CMSS1: variants seen among roughly 807,000 people sequenced by gnomAD.
CMSS1 encodes the protein protein CMSS1.
CMSS1 carries 33 observed loss-of-function variants against 43.5 expected under a neutral mutation model. The observed-to-expected ratio is 0.76, with a 90% CI of 0.57 to 1.01. The LOEUF (loss-of-function observed/expected upper bound fraction) is 1.01, where lower values mean the gene tolerates loss of function less well. CMSS1 is among the 50% of genes least tolerant of loss of function. The pLI, the probability that CMSS1 is intolerant of heterozygous loss-of-function variation, is 0.00. For missense variants in CMSS1, 313 were observed against 326.4 expected, an observed-to-expected ratio of 0.96 and a Z score of 0.32; for synonymous variants, 115 against 117.2, an observed-to-expected ratio of 0.98 and a Z score of 0.12.
chr3:100,146,894 T>G, intron 1 of CMSS1, 79 bp from the exon 2 acceptor site: 1 of 1,523,772 alleles, frequency 6.6e-7, no homozygotes, highest in East Asian at 2.4e-5. Context: ...AGATAGAACC[T>G]TCTAGAAAGA....
chr3:100,092,381 A>G (rs1317794912), intron 1 of CMSS1, among the ~76,000 whole-genome samples: 1 of 152,150 alleles, frequency 6.6e-6, no homozygotes, highest in African/African-American at 2.4e-5. Flanking sequence ...ATGGTATACA[A>G]GATAATGAAC....
intron 1 of CMSS1, chr3:99,929,781 A>C (rs1479828493): frequency 1.0e-5 from 11 of 1,050,526 alleles, no homozygotes; most frequent in Non-Finnish European, 1.5e-5. Flanking sequence ...ATCAAAGAGG[A>C]GTTACAGATC....
chr3:99,844,160 T>C (rs1196662267), intron 1 of CMSS1, among the ~76,000 whole-genome samples: 6 of 152,148 alleles, frequency 3.9e-5, no homozygotes, highest in Admixed American at 2.0e-4. Context: ...TTACAGCATA[T>C]TGCTAGCCCA....
At chr3:99,949,135 T>C (rs1349020286) in intron 1 of CMSS1, among the ~76,000 whole-genome samples, 1 of 152,166 alleles carries the variant, frequency 6.6e-6, no homozygotes, top group African/African-American at 2.4e-5. Context: ...CAGGATAAAG[T>C]TCCCAAAAAT....
chr3:100,154,034 G>T (rs1427552412), intron 2 of CMSS1, among the ~76,000 whole-genome samples: 1 of 151,890 alleles, frequency 6.6e-6, no homozygotes, highest in Non-Finnish European at 1.5e-5. Flanking sequence ...TATTTTTGTA[G>T]AGACGGGGTT....
intron 1 of CMSS1, among the ~76,000 whole-genome samples, chr3:100,135,437 C>CGTGT (rs1559767923): frequency 1.7e-5 from 1 of 60,188 alleles, no homozygotes; most frequent in African/African-American, 6.2e-5. Flanking sequence ...TGTGTGTGTG[C>CGTGT]ATGTGTGTGT....
intron 1 of CMSS1, among the ~76,000 whole-genome samples, chr3:100,096,466 G>A (rs1474106917): frequency 6.6e-6 from 1 of 152,180 alleles, no homozygotes; most frequent in Non-Finnish European, 1.5e-5. Flanking sequence ...ACAACAACAT[G>A]GATGGAACTG....
At chr3:99,957,164 A>G (rs940621318) in intron 1 of CMSS1, among the ~76,000 whole-genome samples, 1 of 152,250 alleles carries the variant, frequency 6.6e-6, no homozygotes, top group African/African-American at 2.4e-5. Context: ...TGTATGAAGT[A>G]GAGGAGTGAC....
At chr3:100,007,350 A>T (rs1245127920) in intron 1 of CMSS1, among the ~76,000 whole-genome samples, 1 of 152,152 alleles carries the variant, frequency 6.6e-6, no homozygotes, top group Non-Finnish European at 1.5e-5. Flanking sequence ...GAGAGCTTTG[A>T]TGATGTGTCT....
At position 99,834,228 on chromosome 3, in the gene CMSS1, G is replaced by A. The variant is rs182165489; in HGVS notation, c.64+16185G>A. Among the ~76,000 whole-genome samples the A allele has an allele frequency of 1.8e-4, 28 of 152,272 alleles. 1 individual carries two copies. In the East Asian group the frequency reaches 4.8e-3, roughly 26 times the overall value. On this transcript the variant is annotated intron_variant, in intron 1 of 9. Transcript: ENST00000421999. ...TTTATACAGGAAAGGGTCTTTCAAA[G>A]GAAAGCTGTTTGATTTTATTAGCTC...
At chr3:100,051,090 T>C (rs1207845039) in intron 1 of CMSS1, 1 of 152,190 alleles carries the variant, frequency 6.6e-6, no homozygotes, top group Non-Finnish European at 1.5e-5. Context: ...TTTTAAACCA[T>C]CATTTGAATA....
At chr3:100,101,768 C>T (rs746658698) in intron 1 of CMSS1, among the ~76,000 whole-genome samples, 2 of 152,012 alleles carry the variant, frequency 1.3e-5, no homozygotes, top group Non-Finnish European at 2.9e-5. Context: ...TATCCCTCCC[C>T]GCTCCCCTCA....
chr3:99,819,623 A>C (rs949875681), intron 1 of CMSS1, among the ~76,000 whole-genome samples: 1 of 152,212 alleles, frequency 6.6e-6, no homozygotes, highest in African/African-American at 2.4e-5. Context: ...AGTTTAGTCA[A>C]GTGTGATTGA....
intron 1 of CMSS1, among the ~76,000 whole-genome samples, chr3:99,897,510 A>C (rs1300312295): frequency 6.6e-6 from 1 of 152,160 alleles, no homozygotes; most frequent in Non-Finnish European, 1.5e-5. Context: ...CAAATTTTGA[A>C]TTTTCTTTAC....
intron 1 of CMSS1, among the ~76,000 whole-genome samples, chr3:100,057,528 G>A (rs185540377): frequency 9.2e-5 from 14 of 152,260 alleles, no homozygotes; most frequent in East Asian, 5.8e-4. Flanking sequence ...TGTGTTCTGC[G>A]TCTTATTAAA....
chr3:99,917,644 T>C lies in CMSS1; in HGVS notation c.64+99601T>C, dbSNP rs7626214. Among the ~76,000 whole-genome samples, 687 of 152,340 alleles carry C rather than the reference T, an allele frequency of 4.5e-3. 7 individuals are homozygous for C. The highest frequency in any genetic ancestry group is 0.016 in the African/African-American group (673 of 41,582). On this transcript the variant is annotated intron_variant, in intron 1 of 9. Transcript: ENST00000421999. ...TAATTTTTTATAGTTATCTGGTAGA[T>C]TGATTCATGGTGGTTGTATTAACAG...
chr3:100,024,103 A>G (rs2064875988), intron 1 of CMSS1, among the ~76,000 whole-genome samples: 1 of 151,472 alleles, frequency 6.6e-6, no homozygotes, highest in African/African-American at 2.4e-5. Context: ...CATCTTCCAC[A>G]CTCCGTCTTC....
chr3:99,937,423 C>G (rs1707713453), intron 1 of CMSS1, among the ~76,000 whole-genome samples: 1 of 152,126 alleles, frequency 6.6e-6, no homozygotes, highest in Non-Finnish European at 1.5e-5. Context: ...ATGTGCTTTT[C>G]TCAACCACTG....
rs188454159 is a variant in CMSS1 at position 100,162,728 on chromosome 3, C to T, written c.355+296C>T. Among the ~76,000 whole-genome samples the T allele has an allele frequency of 1.3e-3, 192 of 152,332 alleles. 2 individuals are homozygous for T. The highest frequency in any genetic ancestry group is 4.3e-3 in the African/African-American group (179 of 41,582). On this transcript the variant is annotated intron_variant, in intron 4 of 9. Coordinates refer to ENST00000421999, the MANE Select transcript of CMSS1 (RefSeq NM_032359.4). ...GTGGCTCACGCCTATAATCCCAGCA[C>T]TCTGGGAGGCTGAGACGGGTGGATC...
Sources: gnomAD v4.1 joint callset for allele counts (sites outside exome capture counted in the v4.1 genomes callset) on GRCh38, gnomAD v4.1.1 for gene constraint, MANE v1.5 for transcripts, NCBI Gene and HGNC (gene_info 2026-07-23, HGNC 2026-07-21) for gene names.